The following PCDHGA1 variants were observed in gnomAD, a reference collection of about 807,000 sequenced individuals.
PCDHGA1 encodes protocadherin gamma subfamily A, 1, also known as protocadherin gamma-A1.
Under a neutral mutation model 58.0 loss-of-function variants are expected in PCDHGA1, and 32 were observed. That is an observed-to-expected ratio of 0.55 (90% CI 0.42 to 0.74). The LOEUF (loss-of-function observed/expected upper bound fraction) is 0.74. Ranked by LOEUF, PCDHGA1 falls within the 30% of genes least tolerant of loss-of-function variation. The pLI is 0.00. For missense variants in PCDHGA1, 1,205 were observed against 1,182.3 expected, an observed-to-expected ratio of 1.02 and a Z score of -0.28; for synonymous variants, 498 against 501.1, an observed-to-expected ratio of 0.99 and a Z score of 0.08.
intron 1 of PCDHGA1, chr5:141,372,298 GGGA>G: frequency 6.2e-7 from 1 of 1,613,330 alleles, no homozygotes; most frequent in Non-Finnish European, 8.5e-7. Flanking sequence ...TTGGGCGACA[GGGA>G]GGCCGCCCGC....
rs769439885 is a variant in PCDHGA1 at position 141,346,010 on chromosome 5, G to T, written c.2421+12905G>T. 4 of 1,613,190 alleles carry T rather than the reference G, an allele frequency of 2.5e-6. No individual in the cohort carries two copies. The South Asian group carries it at 3.3e-5, about 13-fold the overall frequency. ...AGCCCCCTCTCTCCGCCACTGTCAC[G>T]CTCACCGTGGCCGTGGCCGACAGGA... On this transcript the variant is annotated intron_variant, in intron 1 of 3. Coordinates refer to ENST00000517417, the MANE Select transcript of PCDHGA1 (RefSeq NM_018912.3).
Position 141,476,838 on chromosome 5 carries a change from C to T in PCDHGA1, c.2422-17969C>T, listed in dbSNP as rs1347278637. 2.5e-6 allele frequency: 4 copies of T among 1,613,496 alleles called. No individual in the cohort carries two copies. Among genetic ancestry groups the T allele is most frequent in the Non-Finnish European group, 3.4e-6 (4 of 1,180,054 alleles). ...AAGGTGCTGGACGCGAATGACAATG[C>T]GCCTGTCTTCAACCAGTCCTTGTAC... On this transcript the variant is annotated intron_variant, in intron 1 of 3. Transcript: ENST00000517417. This position sits in a 1 kb window ranked among gnomAD's most constrained non-coding sequence, Gnocchi z 7.6.
chr5:141,374,582 C>T, intron 1 of PCDHGA1: 1 of 1,613,744 alleles, frequency 6.2e-7, no homozygotes, highest in Non-Finnish European at 8.5e-7. Context: ...AATGAACTCC[C>T]TTCAGGGATT....
At chr5:141,417,703 C>A in intron 1 of PCDHGA1, 1 of 1,205,130 alleles carries the variant, frequency 8.3e-7, no homozygotes, top group Non-Finnish European at 1.1e-6. Context: ...AGCTCCCACA[C>A]AGAGGCTCCC....
At chr5:141,359,113 G>T (rs1230584767) in intron 1 of PCDHGA1, among the ~76,000 whole-genome samples, 2 of 152,214 alleles carry the variant, frequency 1.3e-5, no homozygotes, top group Non-Finnish European at 2.9e-5. Flanking sequence ...TTCATAGAAA[G>T]TTGTGGTGCA....
At chr5:141,408,882 A>G (rs1561715935) in intron 1 of PCDHGA1, 1 of 1,613,404 alleles carries the variant, frequency 6.2e-7, no homozygotes, top group Admixed American at 1.7e-5. Context: ...GCCACCGCTC[A>G]CATAGAAATT....
intron 1 of PCDHGA1, chr5:141,366,694 C>T: frequency 1.2e-6 from 2 of 1,614,214 alleles, no homozygotes; most frequent in Non-Finnish European, 1.7e-6. Flanking sequence ...GTGAGAAAAG[C>T]GAGCCTCTTC....
At chr5:141,371,075 G>A in intron 1 of PCDHGA1, 1 of 1,613,904 alleles carries the variant, frequency 6.2e-7, no homozygotes, top group Non-Finnish European at 8.5e-7. Context: ...GTACCACCCA[G>A]ATCAGGGTAA....
In PCDHGA1 at chr5:141,414,973, A is replaced by G. The variant is rs533056439; in HGVS notation, c.2422-79834A>G. 1.9e-5 allele frequency: 30 copies of G among 1,613,870 alleles called. No homozygotes were observed. The African/African-American group carries it at 3.7e-4, about 20-fold the overall frequency. Reference sequence around the variant, plus strand: ...GGTGACCAAGGTGGTGGCGGTGGACAGAGACTCCGGCCAGAACGCCTGGCT... The same window carrying G: ...GGTGACCAAGGTGGTGGCGGTGGACGGAGACTCCGGCCAGAACGCCTGGCT... On this transcript the variant is annotated intron_variant, in intron 1 of 3. Transcript: ENST00000517417.
In PCDHGA1 at chr5:141,432,021, C is replaced by G. The variant is rs746940912; in HGVS notation, c.2422-62786C>G. 1.9e-5 allele frequency: 30 copies of G among 1,614,076 alleles called. No individual in the cohort carries two copies. The highest frequency in any genetic ancestry group is 2.7e-5 in the African/African-American group (2 of 74,922). Reference sequence around the variant, plus strand: ...GAACAGGTTCCTAGCTACAACATCACAGTGACCGCCACTGACCGGGGAACC... The same window carrying G: ...GAACAGGTTCCTAGCTACAACATCAGAGTGACCGCCACTGACCGGGGAACC... On this transcript the variant is annotated intron_variant, in intron 1 of 3. Transcript: ENST00000517417. The surrounding 1 kb of genome is among the most constrained non-coding windows in gnomAD (Gnocchi z 6.0).
At chr5:141,413,524 A>G (rs772774054) in intron 1 of PCDHGA1, 7 of 1,613,974 alleles carry the variant, frequency 4.3e-6, no homozygotes, top group Non-Finnish European at 5.9e-6. Flanking sequence ...TGTGGAAGAC[A>G]GGGTGAAACT....
At chr5:141,351,834 A>G (rs1351057422) in intron 1 of PCDHGA1, 2 of 1,613,230 alleles carry the variant, frequency 1.2e-6, no homozygotes, top group Non-Finnish European at 1.7e-6. Context: ...CGCGCCTTCG[A>G]GCTCACACTG....
chr5:141,374,158 G>A (rs1471227184), intron 1 of PCDHGA1: 6 of 1,612,290 alleles, frequency 3.7e-6, no homozygotes, highest in African/African-American at 1.3e-5. Context: ...CGCTGTGGGG[G>A]GCCGCGGCAG....
At chr5:141,510,754 C>G (rs1407911674) in intron 3 of PCDHGA1, among the ~76,000 whole-genome samples, 193 bp from the exon 4 acceptor site, 3 of 152,168 alleles carry the variant, frequency 2.0e-5, no homozygotes, top group African/African-American at 7.2e-5. Flanking sequence ...GACTTTCTCA[C>G]TCCAGAGCCT....
At position 141,477,706 on chromosome 5, in the gene PCDHGA1, G is replaced by A. The variant is rs1490514142; in HGVS notation, c.2422-17101G>A. 6 of 1,613,988 alleles carry A rather than the reference G, an allele frequency of 3.7e-6. No homozygotes were observed. Among genetic ancestry groups the A allele is most frequent in the Non-Finnish European group, 5.1e-6 (6 of 1,180,044 alleles). ...TAGTGCCCCTAGACTATGAGGATCGGCGGGAATTTGAATTAACAGCTCATA... is the reference window on the plus strand; with the variant it reads ...TAGTGCCCCTAGACTATGAGGATCGACGGGAATTTGAATTAACAGCTCATA... On this transcript the variant is annotated intron_variant, in intron 1 of 3. Transcript: ENST00000517417. This position sits in a 1 kb window ranked among gnomAD's most constrained non-coding sequence, Gnocchi z 4.9.
At position 141,489,651 on chromosome 5, in the gene PCDHGA1, G is replaced by A; in HGVS notation, c.2422-5156G>A. 6.2e-7 allele frequency: 1 copy of A among 1,614,186 alleles called. No individual in the cohort carries two copies. Among genetic ancestry groups the A allele is most frequent in the Non-Finnish European group, 8.5e-7 (1 of 1,180,032 alleles). ...ACTCTCCTAGCTTTGCCACCCCTGA[G>A]CGAGAGATGCGCATCTCAGAATCAG... On this transcript the variant is annotated intron_variant, in intron 1 of 3. Coordinates refer to ENST00000517417, the MANE Select transcript of PCDHGA1 (RefSeq NM_018912.3). The surrounding 1 kb of genome is among the most constrained non-coding windows in gnomAD (Gnocchi z 4.5).
chr5:141,469,802 C>T (rs2099211446), intron 1 of PCDHGA1, among the ~76,000 whole-genome samples: 1 of 152,022 alleles, frequency 6.6e-6, no homozygotes, highest in Admixed American at 6.6e-5. Flanking sequence ...ATTGCAAAAA[C>T]ATTGTAGATA....
rs368371918 is a variant in PCDHGA1 at position 141,432,800 on chromosome 5, C to G, written c.2422-62007C>G. Reference sequence around the variant, plus strand: ...GGCGGACCTCGGCAGCCTCGAGTCTCCAGCTAACTCTGAAACCTCAGACCT... The same window carrying G: ...GGCGGACCTCGGCAGCCTCGAGTCTGCAGCTAACTCTGAAACCTCAGACCT... On this transcript the variant is annotated intron_variant, in intron 1 of 3. Coordinates refer to ENST00000517417, the MANE Select transcript of PCDHGA1 (RefSeq NM_018912.3). This position sits in a 1 kb window ranked among gnomAD's most constrained non-coding sequence, Gnocchi z 6.0. The G allele has an allele frequency of 9.9e-6, 16 of 1,614,038 alleles. No individual in the cohort carries two copies. Among genetic ancestry groups the G allele is most frequent in the Non-Finnish European group, 1.3e-5 (15 of 1,180,016 alleles).
Position 141,490,869 on chromosome 5 carries a change from A to AT in PCDHGA1, c.2422-3936dup. 1.2e-6 allele frequency: 2 copies of AT among 1,613,902 alleles called. No individual in the cohort carries two copies. Among genetic ancestry groups the AT allele is most frequent in the Non-Finnish European group, 8.5e-7 (1 of 1,179,954 alleles). ...GGGTTCGAGACTCCGGCTCTCCCCC[A>AT]TTGCATGCCAACACATCTCTGCATG... On this transcript the variant is annotated intron_variant, in intron 1 of 3. Coordinates refer to ENST00000517417, the MANE Select transcript of PCDHGA1 (RefSeq NM_018912.3). This position sits in a 1 kb window ranked among gnomAD's most constrained non-coding sequence, Gnocchi z 5.4.
Sources: allele counts gnomAD v4.1 joint callset (sites outside exome capture counted in the v4.1 genomes callset), GRCh38; gene constraint gnomAD v4.1.1; non-coding constraint Gnocchi (gnomAD v3.1); transcripts MANE v1.5; gene names NCBI Gene and HGNC (gene_info 2026-07-23, HGNC 2026-07-21).